The following DYNC1I2 variants were observed in gnomAD, a reference collection of about 807,000 sequenced individuals.
DYNC1I2 encodes the protein cytoplasmic dynein 1 intermediate chain 2.
In DYNC1I2, 53 loss-of-function variants were observed where a neutral mutation model predicts 88.6. The ratio of observed to expected loss-of-function variants is 0.60; its 90% CI spans 0.48 to 0.75. DYNC1I2 has a LOEUF of 0.75. Among genes scored for constraint, DYNC1I2 ranks in the 30% least tolerant of loss-of-function variants. The pLI is 0.00. For synonymous variants in DYNC1I2, 198 were observed against 254.6 expected, an observed-to-expected ratio of 0.78 and a Z score of 2.12; for missense variants, 458 against 766.6, an observed-to-expected ratio of 0.60 and a Z score of 4.75.
chr2:171,717,918 C>T lies in DYNC1I2; in HGVS notation c.511+2475C>T, dbSNP rs1337404998. Among the ~76,000 whole-genome samples the T allele has an allele frequency of 2.0e-5, 3 of 150,776 alleles. No homozygotes were observed. In the South Asian group the frequency reaches 6.2e-4, roughly 31 times the overall value. On this transcript the variant is annotated intron_variant, in intron 7 of 17. Coordinates refer to ENST00000397119, the MANE Select transcript of DYNC1I2 (RefSeq NM_001378.3). ...ATTCTGAAACTATTTTGAGTAATGC[C>T]TATTATATCTATAGTTATATCCAGT...
At position 171,747,983 on chromosome 2, in the gene DYNC1I2, A is replaced by G; in HGVS notation, c.*94A>G. 1.1e-6 allele frequency: 1 copy of G among 880,332 alleles called. No individual in the cohort carries two copies. Among genetic ancestry groups the G allele is most frequent in the Non-Finnish European group, 1.7e-6 (1 of 593,612 alleles). 54.5% of individuals were successfully genotyped at this position (880,332 alleles called of 1,614,324 possible). A position where few individuals can be genotyped will look rare whatever the true frequency, so the allele number is the denominator to read the frequency against. The stretch of plus-strand genomic sequence containing the variant: ...ATGCTTCTGTCTAAATGATAATTAA[A>G]AGGAAATTTCATGGATTAAACCATG... On this transcript the variant is annotated 3_prime_UTR_variant, in exon 18 of 18. Coordinates refer to ENST00000397119, the MANE Select transcript of DYNC1I2 (RefSeq NM_001378.3).
chr2:171,717,789 T>C (rs1687617323), intron 7 of DYNC1I2, among the ~76,000 whole-genome samples: 1 of 152,156 alleles, frequency 6.6e-6, no homozygotes, highest in Non-Finnish European at 1.5e-5. Context: ...TTTAAAAAAA[T>C]AAATTAGGCC....
Position 171,726,310 on chromosome 2 carries a change from T to TTAAA in DYNC1I2, c.870+17_870+18insTAAA. Reference sequence around the variant, plus strand: ...TCATCTCAGGTAAAATATAACAAAATAGGCCGCTCTTAACTCATTTTTAAA... The same window carrying TTAAA: ...TCATCTCAGGTAAAATATAACAAAATTAAAAGGCCGCTCTTAACTCATTTTTAAA... On this transcript the variant is annotated intron_variant, in intron 10 of 17. Coordinates refer to ENST00000397119, the MANE Select transcript of DYNC1I2 (RefSeq NM_001378.3). 1 of 1,547,042 alleles carries TTAAA rather than the reference T, an allele frequency of 6.5e-7. No individual in the cohort carries two copies. The highest frequency in any genetic ancestry group is 8.8e-7 in the Non-Finnish European group (1 of 1,132,164).
rs186364074 is a variant in DYNC1I2, at chr2:171,749,340, G to A, written c.*1451G>A. 6.6e-6 allele frequency among the ~76,000 whole-genome samples: 1 copy of A among 151,980 alleles called. No homozygotes were observed. The highest frequency in any genetic ancestry group is 2.4e-5 in the African/African-American group (1 of 41,390). On this transcript the variant is annotated 3_prime_UTR_variant, in exon 18 of 18. Transcript: ENST00000397119. ...TTAAGGGGTATCAGTATGTGAAATG[G>A]AATATAGAAAAGTAGGCAATTCTTT...
chr2:171,736,067 C>T (rs2105744584), intron 15 of DYNC1I2, among the ~76,000 whole-genome samples: 1 of 152,260 alleles, frequency 6.6e-6, no homozygotes, highest in South Asian at 2.1e-4. Flanking sequence ...ACTTAGTTAA[C>T]TCTCAGAGGG....
intron 15 of DYNC1I2, among the ~76,000 whole-genome samples, chr2:171,732,444 T>A (rs1477009262): frequency 6.6e-6 from 1 of 152,240 alleles, no homozygotes; most frequent in Non-Finnish European, 1.5e-5. Context: ...AGGGTCATTA[T>A]TTAGAAATTT....
At chr2:171,713,733 A>G (rs1310638336) in intron 6 of DYNC1I2, among the ~76,000 whole-genome samples, 1 of 152,148 alleles carries the variant, frequency 6.6e-6, no homozygotes, top group African/African-American at 2.4e-5. Context: ...ATATGAATAT[A>G]CCTTTTGGAA....
At chr2:171,714,856 A>G (rs1687377442) in intron 6 of DYNC1I2, among the ~76,000 whole-genome samples, 1 of 152,284 alleles carries the variant, frequency 6.6e-6, no homozygotes, top group East Asian at 1.9e-4. Context: ...ATATAAGTAG[A>G]AAAAAAGCTT....
chr2:171,729,888 G>T (rs1688494708), intron 15 of DYNC1I2, 35 bp downstream of exon 15: 4 of 1,610,462 alleles, frequency 2.5e-6, no homozygotes, highest in Non-Finnish European at 3.4e-6. Context: ...ATTTGCTCAG[G>T]TTTCTGACAC....
chr2:171,717,728 T>A (rs1044162190), intron 7 of DYNC1I2, among the ~76,000 whole-genome samples: 3 of 152,178 alleles, frequency 2.0e-5, no homozygotes, highest in Admixed American at 2.0e-4. Flanking sequence ...TTAGTAGATA[T>A]GTTAACTCAG....
At chr2:171,746,036 T>A in intron 17 of DYNC1I2, 109 bp downstream of exon 17, 1 of 1,174,998 alleles carries the variant, frequency 8.5e-7, no homozygotes, top group Non-Finnish European at 1.2e-6. Context: ...GTTTAAACTA[T>A]ATGGTTGTAA....
chr2:171,730,247 C>T (rs1046216381), intron 15 of DYNC1I2, among the ~76,000 whole-genome samples: 1 of 152,104 alleles, frequency 6.6e-6, no homozygotes, highest in Non-Finnish European at 1.5e-5. Flanking sequence ...ACTACAGTGG[C>T]TCACAGAGTT....
At chr2:171,715,141 C>A (rs907252914) in intron 6 of DYNC1I2, among the ~76,000 whole-genome samples, 187 bp from the exon 7 acceptor site, 1 of 152,074 alleles carries the variant, frequency 6.6e-6, no homozygotes, top group Admixed American at 6.6e-5. Flanking sequence ...TCAGAAATAT[C>A]TTTTGCTTTT....
At chr2:171,719,438 C>T (rs1426681022) in intron 7 of DYNC1I2, among the ~76,000 whole-genome samples, 2 of 152,170 alleles carry the variant, frequency 1.3e-5, no homozygotes, top group Non-Finnish European at 2.9e-5. Context: ...CTTGTGCTTA[C>T]CCATCACGTT....
chr2:171,700,050 C>G (rs1472245363), intron 3 of DYNC1I2, among the ~76,000 whole-genome samples: 1 of 152,076 alleles, frequency 6.6e-6, no homozygotes, highest in Non-Finnish European at 1.5e-5. Context: ...CTAGGTGGTT[C>G]TGGCTCAACT....
intron 5 of DYNC1I2, among the ~76,000 whole-genome samples, chr2:171,711,893 A>T (rs2105579168): frequency 6.6e-6 from 1 of 152,354 alleles, no homozygotes. Flanking sequence ...AGTGGGGACT[A>T]TGAGCATTAT....
chr2:171,725,586 G>GTTTGTTTTTTTTTTT (rs1688184393), intron 7 of DYNC1I2, 32 bp from the exon 8 acceptor site: 1 of 1,243,706 alleles, frequency 8.0e-7, no homozygotes, highest in African/African-American at 2.0e-5. Context: ...CTGTTTTTTT[G>GTTTGTTTTTTTTTTT]TTTTTTTGTT....
chr2:171,735,142 A>G (rs1261723630), intron 15 of DYNC1I2, among the ~76,000 whole-genome samples: 1 of 152,118 alleles, frequency 6.6e-6, no homozygotes, highest in East Asian at 1.9e-4. Flanking sequence ...GCAAAACAAG[A>G]TTTCTTCCTT....
intron 15 of DYNC1I2, among the ~76,000 whole-genome samples, chr2:171,731,446 C>T (rs55957712): frequency 0.21 from 31,441 of 151,998 alleles, 4,008 homozygotes; most frequent in East Asian, 0.55. Flanking sequence ...TGTGTTTTGT[C>T]ATAAAATTGA....
Sources: allele counts gnomAD v4.1 joint callset (sites outside exome capture counted in the v4.1 genomes callset), GRCh38; gene constraint gnomAD v4.1.1; transcripts MANE v1.5; gene names NCBI Gene and HGNC (gene_info 2026-07-23, HGNC 2026-07-21).